ERCC4: variants seen among roughly 807,000 people sequenced by gnomAD.
The protein encoded by ERCC4 is DNA repair endonuclease XPF.
In ERCC4, 65 loss-of-function variants were observed where a neutral mutation model predicts 76.9. That is an observed-to-expected ratio of 0.84 (90% confidence interval 0.69 to 1.04). ERCC4 has a LOEUF of 1.04. Among genes scored for constraint, ERCC4 ranks in the 50% least tolerant of loss-of-function variants. ERCC4 has a pLI of 0.00. For missense variants in ERCC4, 1,214 were observed against 1,128.2 expected, an observed-to-expected ratio of 1.08 and a Z score of -1.09; for synonymous variants, 463 against 410.1, an observed-to-expected ratio of 1.13 and a Z score of -1.56.
intron 6 of ERCC4, 31 bp from the exon 7 acceptor site, chr16:13,934,161 C>G: frequency 7.0e-7 from 1 of 1,418,632 alleles, no homozygotes; most frequent in Non-Finnish European, 9.9e-7. Context: ...AATATTATCA[C>G]ATAGAATGAG....
Position 13,932,298 on chromosome 16 carries a change from G to A in ERCC4, c.1102+13G>A, listed in dbSNP as rs199772721. ...AAAGAAGGGGAAGGTATCTTGTGGG[G>A]TTAAGTCTTTAAATGTGTTTTTTAT... On this transcript the variant is annotated intron_variant, in intron 6 of 10. Coordinates refer to ENST00000311895, the MANE Select transcript of ERCC4 (RefSeq NM_005236.3). 1.9e-5 allele frequency: 30 copies of A among 1,605,966 alleles called. No homozygotes were observed. Among genetic ancestry groups the A allele is most frequent in the African/African-American group, 2.7e-5 (2 of 74,826 alleles).
chr16:13,938,919 G>T (rs1285815949), intron 9 of ERCC4, among the ~76,000 whole-genome samples: 1 of 152,210 alleles, frequency 6.6e-6, no homozygotes, highest in Non-Finnish European at 1.5e-5. Context: ...CACGATGGGG[G>T]TCAGCATGGT....
chr16:13,930,097 A>G (rs3136111), intron 4 of ERCC4, among the ~76,000 whole-genome samples: 82 of 152,358 alleles, frequency 5.4e-4, no homozygotes, highest in African/African-American at 1.8e-3. Flanking sequence ...ATTTAATTTG[A>G]TAATTCTTAT....
At chr16:13,924,560 GA>G (rs1453018230) in intron 2 of ERCC4, among the ~76,000 whole-genome samples, 1 of 152,172 alleles carries the variant, frequency 6.6e-6, no homozygotes, top group African/African-American at 2.4e-5. Context: ...AGATGAATGG[GA>G]CAGTATGGTG....
At chr16:13,935,854 T>A in intron 8 of ERCC4, 111 bp downstream of exon 8, 1 of 885,312 alleles carries the variant, frequency 1.1e-6, no homozygotes, top group Non-Finnish European at 1.9e-6. Flanking sequence ...ATGCTGCTTA[T>A]GTTTATGAAA....
In ERCC4 at chr16:13,934,522, G is replaced by A. The variant is rs3136146; in HGVS notation, c.1213+220G>A. 51,598 of 510,630 alleles carry A rather than the reference G, an allele frequency of 0.1. 6,977 individuals are homozygous for A. Among genetic ancestry groups the A allele is most frequent in the African/African-American group, 0.47 (24,516 of 51,866 alleles). 31.6% of individuals were successfully genotyped at this position (510,630 alleles called of 1,614,324 possible). A position where few individuals can be genotyped will look rare whatever the true frequency, so the allele number is the denominator to read the frequency against. On this transcript the variant is annotated intron_variant, in intron 7 of 10. Transcript: ENST00000311895. ...ACCTCATTTCTGTTCGTTTGATGTT[G>A]TTTTCTCCAGGTTGAATCATTGTAT...
At position 13,935,885 on chromosome 16, in the gene ERCC4, A is replaced by C. The variant is rs148880367; in HGVS notation, c.1811+142A>C. On this transcript the variant is annotated intron_variant, in intron 8 of 10. Transcript: ENST00000311895. ...TGAAACCTTATTTTGCTTCCTGATG[A>C]ATCTGGGAAGTTGGATAGGAAGGAT... 393 of 753,012 alleles carry C rather than the reference A, an allele frequency of 5.2e-4. 1 individual carries two copies. In the African/African-American group the frequency reaches 6.1e-3, roughly 12 times the overall value. The allele number at this position is 753,012 out of a possible 1,614,324, so 46.6% of individuals were successfully genotyped here.
At chr16:13,932,419 T>C (rs2032191228) in intron 6 of ERCC4, 134 bp downstream of exon 6, 1 of 772,834 alleles carries the variant, frequency 1.3e-6, no homozygotes, top group South Asian at 1.6e-5. Context: ...GTATGTTTGT[T>C]ATATGTAACA....
At chr16:13,932,471 A>G (rs1230023586) in intron 6 of ERCC4, 186 bp downstream of exon 6, 15 of 628,464 alleles carry the variant, frequency 2.4e-5, no homozygotes, top group Non-Finnish European at 4.1e-5. Context: ...TATATGTGTA[A>G]TGTATGTCGA....
intron 4 of ERCC4, among the ~76,000 whole-genome samples, chr16:13,928,919 ATC>A (rs1389616607): frequency 1.3e-5 from 2 of 152,160 alleles, no homozygotes; most frequent in Non-Finnish European, 2.9e-5. Context: ...CTCTGAGTCA[ATC>A]TCTATGTCAC....
chr16:13,933,999 G>A (rs2032233758), intron 6 of ERCC4, 193 bp from the exon 7 acceptor site: 1 of 526,128 alleles, frequency 1.9e-6, no homozygotes, highest in Admixed American at 3.4e-5. Flanking sequence ...CATATTAATG[G>A]TTTGAAGTAT....
At chr16:13,945,507 A>T (rs979650055) in intron 10 of ERCC4, among the ~76,000 whole-genome samples, 2 of 152,218 alleles carry the variant, frequency 1.3e-5, no homozygotes, top group Admixed American at 1.3e-4. Flanking sequence ...AATACGATTG[A>T]GTTGGTTTAA....
rs2032482833 is a variant in ERCC4 at position 13,944,745 on chromosome 16, C to T, written c.1927C>T (p.Pro643Ser). 1.2e-6 allele frequency: 2 copies of T among 1,613,394 alleles called. No individual in the cohort carries two copies. The highest frequency in any genetic ancestry group is 1.7e-6 in the Non-Finnish European group (2 of 1,179,524). Residue 643 changes from proline (P) to serine (S), a missense_variant, in exon 10 of 11, where the codon CCT becomes TCT. By Grantham distance (74) the Pro-to-Ser change is moderately conservative. Transcript: ENST00000311895. The stretch of plus-strand genomic sequence containing the variant: ...CAGGGAAAAAGCAAGCATGGTTGTC[C>T]CTGAAGAAAGAGAAGGCAGAGATGA... ...LIREKASMVV[P>S]EEREGRDETN...
chr16:13,920,244 C>T lies in ERCC4; in HGVS notation c.79C>T (p.Leu27Phe), dbSNP rs587778282. ...CGAGCGACAGCTGGTGCTGGAACTGCTCGACACTGACGGGCTAGTAGTGTG... is the reference window on the plus strand; with the variant it reads ...CGAGCGACAGCTGGTGCTGGAACTGTTCGACACTGACGGGCTAGTAGTGTG... The part of the protein sequence containing the change: ...EYERQLVLEL[L>F]DTDGLVVCAR... Residue 27 changes from leucine (L) to phenylalanine (F), a missense_variant, in exon 1 of 11, where the codon CTC becomes TTC. By Grantham distance (22) the Leu-to-Phe change is conservative. Coordinates refer to ENST00000311895, the MANE Select transcript of ERCC4 (RefSeq NM_005236.3). The T allele has an allele frequency of 3.5e-5, 57 of 1,607,758 alleles. No homozygotes were observed. Among genetic ancestry groups the T allele is most frequent in the Middle Eastern group, 3.3e-4 (2 of 6,052 alleles).
At chr16:13,932,128 G>A in intron 5 of ERCC4, 29 bp from the exon 6 acceptor site, 1 of 1,600,396 alleles carries the variant, frequency 6.2e-7, no homozygotes, top group South Asian at 1.1e-5. Flanking sequence ...TAAATTGATG[G>A]CACTTTTTCT....
At chr16:13,941,239 C>A (rs1160008274) in intron 9 of ERCC4, among the ~76,000 whole-genome samples, 1 of 152,264 alleles carries the variant, frequency 6.6e-6, no homozygotes, top group Non-Finnish European at 1.5e-5. Context: ...ATAATTTTAT[C>A]TGTTATCTGG....
At position 13,922,053 on chromosome 16, in the gene ERCC4, A is replaced by C; in HGVS notation, c.230A>C (p.Lys77Thr). 6.2e-7 allele frequency: 1 copy of C among 1,613,718 alleles called. No homozygotes were observed. Residue 77 changes from lysine (K) to threonine (T), a missense_variant, in exon 2 of 11, where the codon AAG (lysine) becomes ACG (threonine). By Grantham distance (78) the Lys-to-Thr change is moderately conservative (BLOSUM62 -1). Transcript: ENST00000311895. ...TAGGAGTATTTTATCAATCAGCTGA[A>C]GATAGAAGGAGTTGAACACCTCCCT... ...AEEEYFINQL[K>T]IEGVEHLPRR...
chr16:13,939,478 C>A (rs1596630531), intron 9 of ERCC4, among the ~76,000 whole-genome samples: 2 of 152,116 alleles, frequency 1.3e-5, no homozygotes, highest in African/African-American at 4.8e-5. Context: ...CTCACCCAGA[C>A]CACAAGCTGA....
intron 9 of ERCC4, among the ~76,000 whole-genome samples, chr16:13,943,494 A>C (rs897175233): frequency 2.8e-4 from 42 of 152,230 alleles, no homozygotes; most frequent in African/African-American, 9.2e-4. Flanking sequence ...TATCATGAGA[A>C]TAACATGGGG....
Sources: allele counts gnomAD v4.1 joint callset (sites outside exome capture counted in the v4.1 genomes callset), GRCh38; gene constraint gnomAD v4.1.1; transcripts MANE v1.5; gene names NCBI Gene and HGNC (gene_info 2026-07-23, HGNC 2026-07-21).